GFRA2: variants seen among roughly 807,000 people sequenced by gnomAD.
The protein encoded by GFRA2 is GDNF family receptor alpha 2.
In GFRA2, 17 loss-of-function variants were observed where a neutral mutation model predicts 48.3. That is an observed-to-expected ratio of 0.35 (90% CI 0.24 to 0.53). GFRA2 has a LOEUF of 0.53. Ranked by LOEUF, GFRA2 falls within the 20% of genes least tolerant of loss-of-function variation. The probability of loss-of-function intolerance (pLI) is 0.93; values close to 1 mark genes in which losing one functional copy is unlikely to be tolerated. For synonymous variants in GFRA2, 305 were observed against 257.2 expected (o/e 1.19, Z -1.78); for missense variants, 660 against 637.3 (o/e 1.04, Z -0.38).
chr8:21,701,185 G>A (rs1802456401), intron 7 of GFRA2, among the ~76,000 whole-genome samples: 1 of 152,224 alleles, frequency 6.6e-6, no homozygotes, highest in South Asian at 2.1e-4. Context: ...ACAAGCTCAG[G>A]AGATCGAGAC....
chr8:21,705,067 G>A lies in GFRA2; in HGVS notation c.963C>T (p.Pro321=), dbSNP rs777842693. 5 of 1,610,960 alleles carry A rather than the reference G, an allele frequency of 3.1e-6. No homozygotes were observed. In the Admixed American group the frequency reaches 5.0e-5, roughly 16 times the overall value. The change falls in exon 6 of 9, where the codon CCC becomes CCT. Residue 321 remains proline (P), a synonymous_variant. Coordinates refer to ENST00000524240, the MANE Select transcript of GFRA2 (RefSeq NM_001495.5). ...TCCCGCTGCCACGACAGCTGCACCA[G>A]GGGGACACCACGATGCCAGTGGGGC... ...DSSPTGIVVS[P]WCSCRGSGNM... is the part of the protein sequence containing the mutation.
intron 4 of GFRA2, among the ~76,000 whole-genome samples, chr8:21,712,466 G>A (rs1323721488): frequency 6.6e-6 from 1 of 151,408 alleles, no homozygotes. Flanking sequence ...GGGAAGAGGC[G>A]CTCCTCACTT....
At chr8:21,723,916 C>A (rs145483358) in intron 4 of GFRA2, among the ~76,000 whole-genome samples, 1 of 152,212 alleles carries the variant, frequency 6.6e-6, no homozygotes, top group African/African-American at 2.4e-5. Flanking sequence ...CAGCAGGTGG[C>A]AGAAGACAGA....
rs537495615 is a variant in GFRA2 at position 21,745,755 on chromosome 8, G to A, written c.794+4833C>T. Among the ~76,000 whole-genome samples, 3 of 152,272 alleles carry A rather than the reference G, an allele frequency of 2.0e-5. No individual in the cohort carries two copies. In the South Asian group the frequency reaches 6.2e-4, roughly 32 times the overall value. ...ACTGAGCACTTTTGTGGATTCTGGGGACAGTGACACTTGGGTTGGCAAGTC... is the reference window on the plus strand; with the variant it reads ...ACTGAGCACTTTTGTGGATTCTGGGAACAGTGACACTTGGGTTGGCAAGTC... On this transcript the variant is annotated intron_variant, in intron 4 of 8. Transcript: ENST00000524240.
intron 2 of GFRA2, among the ~76,000 whole-genome samples, chr8:21,803,826 T>A: frequency 6.6e-6 from 1 of 152,088 alleles, no homozygotes. Context: ...AGAGATAGGG[T>A]CTTGCCATGT....
At chr8:21,793,130 A>T (rs1052462008), upstream of GFRA2, among the ~76,000 whole-genome samples, 12 of 152,264 alleles carry the variant, frequency 7.9e-5, no homozygotes, top group East Asian at 2.3e-3. Flanking sequence ...CCAAGTGCAC[A>T]GGTTGGGGAA....
In GFRA2 at chr8:21,750,668, C is replaced by T. The variant is rs1250404055; in HGVS notation, c.714G>A (p.Leu238=). 1 of 1,613,862 alleles carries T rather than the reference C, an allele frequency of 6.2e-7. No homozygotes were observed. The highest frequency in any genetic ancestry group is 2.2e-5 in the East Asian group (1 of 44,864). Residue 238 remains leucine (L), a synonymous_variant, in exon 4 of 9, where the codon CTG becomes CTA. Coordinates refer to ENST00000524240, the MANE Select transcript of GFRA2 (RefSeq NM_001495.5). The surrounding 1 kb of genome is among the most constrained non-coding windows in gnomAD (Gnocchi z 5.7). The part of the protein sequence containing the change: ...ACAERRRQTI[L]PSCSYEDKEK... Reference sequence around the variant, plus strand: ...CCTTGTCCTCATAGGAGCAGCTGGGCAGGATGGTTTGCCGGCGGCGCTCAG... The same window carrying T: ...CCTTGTCCTCATAGGAGCAGCTGGGTAGGATGGTTTGCCGGCGGCGCTCAG...
intron 7 of GFRA2, among the ~76,000 whole-genome samples, 200 bp downstream of exon 7, chr8:21,702,605 G>A (rs1057151134): frequency 6.6e-6 from 1 of 152,244 alleles, no homozygotes; most frequent in Non-Finnish European, 1.5e-5. Context: ...ATAACACTGT[G>A]ATGTAACAGG....
intron 1 of GFRA2, among the ~76,000 whole-genome samples, chr8:21,807,796 A>T (rs1362462692): frequency 6.6e-6 from 1 of 152,206 alleles, no homozygotes; most frequent in Non-Finnish European, 1.5e-5. Context: ...CCACATACCG[A>T]CTAGGGAAAG....
intron 4 of GFRA2, among the ~76,000 whole-genome samples, chr8:21,732,013 T>A (rs1804220282): frequency 1.3e-5 from 2 of 152,186 alleles, no homozygotes; most frequent in Non-Finnish European, 1.5e-5. Context: ...CAAAGAGCAT[T>A]TAAGAACTTC....
At chr8:21,730,406 A>T (rs1300290124) in intron 4 of GFRA2, among the ~76,000 whole-genome samples, 1 of 152,024 alleles carries the variant, frequency 6.6e-6, no homozygotes, top group Non-Finnish European at 1.5e-5. Context: ...TCTGTCTCAA[A>T]AAAAAAACAG....
chr8:21,776,300 C>T (rs1331821299), intron 2 of GFRA2, among the ~76,000 whole-genome samples: 3 of 151,972 alleles, frequency 2.0e-5, no homozygotes, highest in African/African-American at 7.2e-5. Context: ...GGCAGACCCC[C>T]AAGAAATGGG....
chr8:21,802,411 G>A (rs947511832), intron 2 of GFRA2, among the ~76,000 whole-genome samples: 2 of 152,322 alleles, frequency 1.3e-5, no homozygotes, highest in Admixed American at 1.3e-4. Flanking sequence ...CTGGAGTGCA[G>A]TGGCTAAATC....
chr8:21,739,264 G>T (rs966272413), intron 4 of GFRA2, among the ~76,000 whole-genome samples: 1 of 152,152 alleles, frequency 6.6e-6, no homozygotes, highest in Admixed American at 6.5e-5. Flanking sequence ...GAGGATGCCA[G>T]TAGTGATCTG....
At position 21,691,685 on chromosome 8, in the gene GFRA2, C is replaced by G. The variant is rs1801887787; in HGVS notation, c.*1593G>C. 6.6e-6 allele frequency: 1 copy of G among 152,268 alleles called. No homozygotes were observed. Among genetic ancestry groups the G allele is most frequent in the Admixed American group, 6.5e-5 (1 of 15,284 alleles). The allele number at this position is 152,268 out of a possible 1,614,324, so 9.4% of individuals were successfully genotyped here. Reference sequence around the variant, plus strand: ...TGTGATGCCAAGCTGTGGCTCCCCACCACGTCCACGTCCACTGCATTCTCT... The same window carrying G: ...TGTGATGCCAAGCTGTGGCTCCCCAGCACGTCCACGTCCACTGCATTCTCT... On this transcript the variant is annotated 3_prime_UTR_variant, in exon 9 of 9. Transcript: ENST00000524240.
intron 3 of GFRA2, among the ~76,000 whole-genome samples, chr8:21,753,237 T>A (rs1376930728): frequency 2.0e-5 from 3 of 152,264 alleles, no homozygotes; most frequent in Non-Finnish European, 2.9e-5. Flanking sequence ...CTGCTGAACC[T>A]GAAATGTGGC....
chr8:21,769,345 TCACA>T, intron 3 of GFRA2: 1 of 158,422 alleles, frequency 6.3e-6, no homozygotes, highest in Non-Finnish European at 1.3e-5. Flanking sequence ...TCCTAAGATG[TCACA>T]CACATGTGAC....
At chr8:21,786,918 A>G (rs1807300086) in intron 1 of GFRA2, among the ~76,000 whole-genome samples, 1 of 152,132 alleles carries the variant, frequency 6.6e-6, no homozygotes, top group East Asian at 1.9e-4. Flanking sequence ...GCCTGGCTCA[A>G]CACTGGCTAC....
intron 4 of GFRA2, among the ~76,000 whole-genome samples, chr8:21,717,467 A>G (rs1459797267): frequency 1.3e-5 from 2 of 152,244 alleles, no homozygotes; most frequent in African/African-American, 4.8e-5. Flanking sequence ...ATTCAGAAGT[A>G]TATTTCAAAA....
Sources: gnomAD v4.1 joint callset for allele counts (sites outside exome capture counted in the v4.1 genomes callset) on GRCh38, gnomAD v4.1.1 for gene constraint, Gnocchi (gnomAD v3.1) non-coding constraint, MANE v1.5 for transcripts, NCBI Gene and HGNC (gene_info 2026-07-23, HGNC 2026-07-21) for gene names.